KHDRBS2: variants seen among roughly 807,000 people sequenced by gnomAD.
KHDRBS2 encodes the protein KH RNA binding domain containing, signal transduction associated 2.
In KHDRBS2, 26 loss-of-function variants were observed where a neutral mutation model predicts 44.3. The observed-to-expected ratio is 0.59, with a 90% confidence interval of 0.43 to 0.81. The LOEUF (loss-of-function observed/expected upper bound fraction) is 0.81, where lower values mean the gene tolerates loss of function less well. Ranked by LOEUF, KHDRBS2 falls within the 40% of genes least tolerant of loss-of-function variation. The pLI, the probability that KHDRBS2 is intolerant of heterozygous loss-of-function variation, is 0.00. For synonymous variants in KHDRBS2, 194 were observed against 151.1 expected, an observed-to-expected ratio of 1.28 and a Z score of -2.08; for missense variants, 476 against 433.1, an observed-to-expected ratio of 1.10 and a Z score of -0.88.
intron 1 of KHDRBS2, among the ~76,000 whole-genome samples, chr6:62,182,050 A>G (rs1182049719): frequency 6.6e-6 from 1 of 151,992 alleles, no homozygotes; most frequent in African/African-American, 2.4e-5. Context: ...AAAAAGCATC[A>G]TCTATGAAGC....
chr6:61,775,398 T>C (rs188845222), intron 6 of KHDRBS2, among the ~76,000 whole-genome samples: 70 of 152,208 alleles, frequency 4.6e-4, no homozygotes, highest in Admixed American at 1.8e-3. Context: ...AACCCCATCA[T>C]CTCAGCCCAA....
chr6:61,857,058 TC>T (rs1468664444), intron 6 of KHDRBS2, among the ~76,000 whole-genome samples: 1 of 152,068 alleles, frequency 6.6e-6, no homozygotes, highest in African/African-American at 2.4e-5. Context: ...AGGGCACACT[TC>T]ATCTGATAAT....
chr6:62,102,449 G>GAC (rs1802123179), intron 2 of KHDRBS2, among the ~76,000 whole-genome samples: 1 of 152,140 alleles, frequency 6.6e-6, no homozygotes, highest in African/African-American at 2.4e-5. Flanking sequence ...CCCCAAAGAG[G>GAC]GTGTTACAGC....
chr6:61,829,155 G>A (rs530033733), intron 6 of KHDRBS2, among the ~76,000 whole-genome samples: 122 of 152,260 alleles, frequency 8.0e-4, no homozygotes, highest in African/African-American at 2.9e-3. Context: ...TTGGGATTGA[G>A]AATTTTGTTG....
At chr6:62,140,756 T>C (rs942895033) in intron 2 of KHDRBS2, among the ~76,000 whole-genome samples, 2 of 152,124 alleles carry the variant, frequency 1.3e-5, no homozygotes, top group African/African-American at 4.8e-5. Flanking sequence ...GATATTTAAG[T>C]GGCAGATCAA....
chr6:61,557,555 GT>G, the KHDRBS2 span, among the ~76,000 whole-genome samples: 1 of 151,962 alleles, frequency 6.6e-6, no homozygotes, highest in Non-Finnish European at 1.5e-5. Context: ...GAAAATTTTT[GT>G]GTCAATGTTC....
chr6:62,075,156 G>T (rs895083809), intron 2 of KHDRBS2, among the ~76,000 whole-genome samples: 10 of 151,956 alleles, frequency 6.6e-5, no homozygotes, highest in African/African-American at 2.4e-4. Context: ...AAATTCATAT[G>T]TTGAAACCTA....
chr6:61,930,927 T>A (rs1809924306), intron 4 of KHDRBS2, among the ~76,000 whole-genome samples: 1 of 152,066 alleles, frequency 6.6e-6, no homozygotes, highest in Non-Finnish European at 1.5e-5. Flanking sequence ...TTATTCAAAT[T>A]TAACAACTGC....
intron 6 of KHDRBS2, among the ~76,000 whole-genome samples, chr6:61,858,725 A>G (rs75924278): frequency 0.067 from 10,165 of 151,944 alleles, 405 homozygotes; most frequent in Middle Eastern, 0.13. Context: ...TAACTAAGGA[A>G]ATCAGTAGGT....
intron 6 of KHDRBS2, among the ~76,000 whole-genome samples, chr6:61,848,495 ATATATATATATATATGTATATATG>A (rs1562293785): frequency 2.8e-4 from 16 of 58,150 alleles, no homozygotes; most frequent in African/African-American, 8.1e-4. Flanking sequence ...ATATATGTAT[ATATATATATATATATGTATATATG>A]TATATATATA....
rs1321846704 is a variant in KHDRBS2 at position 61,733,757 on chromosome 6, A to T, written c.811-993T>A. ...CATGTTCAAACAAGCTAGTAATTAT[A>T]CACTCCAGTTATCAATCACTCTGAA... is the stretch of plus-strand genomic sequence containing the variant. On this transcript the variant is annotated intron_variant, in intron 6 of 8. Transcript: ENST00000281156. 2.6e-5 allele frequency among the ~76,000 whole-genome samples: 4 copies of T among 152,320 alleles called. No homozygotes were observed. The South Asian group carries it at 8.3e-4, about 32-fold the overall frequency.
At chr6:62,209,898 T>C (rs1028862581) in intron 1 of KHDRBS2, among the ~76,000 whole-genome samples, 1 of 152,168 alleles carries the variant, frequency 6.6e-6, no homozygotes, top group African/African-American at 2.4e-5. Flanking sequence ...CTCAAGCCTT[T>C]GACCACACAC....
chr6:61,701,448 T>C (rs959760404), intron 7 of KHDRBS2, among the ~76,000 whole-genome samples: 9 of 151,920 alleles, frequency 5.9e-5, no homozygotes, highest in Non-Finnish European at 1.2e-4. Flanking sequence ...CATCTTTCCA[T>C]TGGACTTTGC....
rs1360521971 is a variant in KHDRBS2 at position 61,900,133 on chromosome 6, G to T, written c.611+1111C>A. On this transcript the variant is annotated intron_variant, in intron 5 of 8. Transcript: ENST00000281156. ...TGCTTTTAGTGAAATAGAATTTCCA[G>T]AATTACCCCATTTTACCTCTAGTAA... 4.6e-5 allele frequency among the ~76,000 whole-genome samples: 7 copies of T among 151,994 alleles called. No homozygotes were observed. The East Asian group carries it at 1.4e-3, about 29-fold the overall frequency.
chr6:61,795,876 T>A (rs1166017564), intron 6 of KHDRBS2, among the ~76,000 whole-genome samples: 1 of 152,140 alleles, frequency 6.6e-6, no homozygotes, highest in African/African-American at 2.4e-5. Flanking sequence ...AAGAGTTATA[T>A]TTTTACTATC....
intron 6 of KHDRBS2, among the ~76,000 whole-genome samples, chr6:61,860,795 CTG>C (rs1796835650): frequency 6.6e-6 from 1 of 152,072 alleles, no homozygotes; most frequent in African/African-American, 2.4e-5. Flanking sequence ...AATTGCCACA[CTG>C]TCTTTCACAA....
chr6:61,758,570 A>G (rs1330323849), intron 6 of KHDRBS2, among the ~76,000 whole-genome samples: 1 of 152,066 alleles, frequency 6.6e-6, no homozygotes, highest in Non-Finnish European at 1.5e-5. Flanking sequence ...TGTACTTGGT[A>G]GTTTACATAA....
At chr6:61,624,951 C>T in the KHDRBS2 span, among the ~76,000 whole-genome samples, 1 of 152,056 alleles carries the variant, frequency 6.6e-6, no homozygotes, top group African/African-American at 2.4e-5. Context: ...AGAGCTGCTC[C>T]TGGGAGTGTT....
intron 4 of KHDRBS2, among the ~76,000 whole-genome samples, chr6:61,976,878 C>T (rs1350210169): frequency 6.6e-6 from 1 of 152,116 alleles, no homozygotes; most frequent in East Asian, 1.9e-4. Flanking sequence ...GTAGCATCCT[C>T]ATTCTTAATA....
Sources: gnomAD v4.1 joint callset for allele counts (sites outside exome capture counted in the v4.1 genomes callset) on GRCh38, gnomAD v4.1.1 for gene constraint, MANE v1.5 for transcripts, NCBI Gene and HGNC (gene_info 2026-07-23, HGNC 2026-07-21) for gene names.